Variants in MYT1L observed in about 807,000 individuals in gnomAD.
MYT1L encodes myelin transcription factor 1 like, also known as myelin transcription factor 1-like protein.
A neutral mutation model predicts 126.7 loss-of-function variants in MYT1L; 12 were observed. The observed-to-expected ratio is 0.09, with a 90% CI of 0.06 to 0.15. The LOEUF (loss-of-function observed/expected upper bound fraction) is 0.15, where lower values mean the gene tolerates loss of function less well. Among genes scored for constraint, MYT1L ranks in the 10% least tolerant of loss-of-function variants. The pLI, the probability that MYT1L is intolerant of heterozygous loss-of-function variation, is 1.00. For synonymous variants in MYT1L, 541 were observed against 604.2 expected (o/e 0.90, Z 1.53); for missense variants, 979 against 1,585.2 (o/e 0.62, Z 6.49).
chr2:2,186,493 C>A (rs556159508), intron 2 of MYT1L, among the ~76,000 whole-genome samples: 1 of 152,340 alleles, frequency 6.6e-6, no homozygotes, highest in East Asian at 1.9e-4. Flanking sequence ...CTCATGCACC[C>A]ATCCTGGAAT....
intron 11 of MYT1L, among the ~76,000 whole-genome samples, chr2:1,915,691 C>T (rs17338595): frequency 0.22 from 33,007 of 152,124 alleles, 4,376 homozygotes; most frequent in South Asian, 0.36. Context: ...AACACCAAAC[C>T]CAGGTTTCAG....
chr2:2,046,855 T>G (rs1201758576), intron 4 of MYT1L, among the ~76,000 whole-genome samples: 1 of 152,238 alleles, frequency 6.6e-6, no homozygotes, highest in African/African-American at 2.4e-5. Flanking sequence ...TTCAATACTT[T>G]GCTATCAGCC....
chr2:1,943,375 A>G lies in MYT1L; in HGVS notation c.153-41T>C. The G allele has an allele frequency of 6.7e-7, 1 of 1,488,862 alleles. No individual in the cohort carries two copies. The highest frequency in any genetic ancestry group is 2.4e-5 in the East Asian group (1 of 41,200). The allele number at this position is 1,488,862 out of a possible 1,614,324, so 92.2% of individuals were successfully genotyped here. ...GAGAAGGCAGGGGAGAGAGAGAAAAAAAATATCTGTGTTACTGTCTTTTAA... is the reference window on the plus strand; with the variant it reads ...GAGAAGGCAGGGGAGAGAGAGAAAAGAAATATCTGTGTTACTGTCTTTTAA... On this transcript the variant is annotated intron_variant, in intron 8 of 24. Coordinates refer to ENST00000647738, the MANE Select transcript of MYT1L (RefSeq NM_001303052.2). This position sits in a 1 kb window ranked among gnomAD's most constrained non-coding sequence, Gnocchi z 4.4.
At chr2:2,261,103 C>T (rs1488174195) in intron 2 of MYT1L, among the ~76,000 whole-genome samples, 2 of 151,904 alleles carry the variant, frequency 1.3e-5, no homozygotes, top group Admixed American at 6.6e-5. Context: ...CTCACCCTAC[C>T]GCCCTTCCTC....
chr2:2,088,179 G>A (rs566493446), intron 3 of MYT1L, among the ~76,000 whole-genome samples: 3 of 152,226 alleles, frequency 2.0e-5, no homozygotes, highest in Non-Finnish European at 2.9e-5. Flanking sequence ...GGGAAAGGCC[G>A]TGTGTGAAGG....
At chr2:2,043,985 GA>G (rs1239362963) in intron 4 of MYT1L, among the ~76,000 whole-genome samples, 1 of 151,138 alleles carries the variant, frequency 6.6e-6, no homozygotes, top group Non-Finnish European at 1.5e-5. Flanking sequence ...TTTGTTTTTT[GA>G]AAAAAAATGA....
chr2:1,838,737 T>G (rs1427811540), intron 21 of MYT1L, among the ~76,000 whole-genome samples: 1 of 152,218 alleles, frequency 6.6e-6, no homozygotes, highest in African/African-American at 2.4e-5. Flanking sequence ...TCATGCATCT[T>G]TGGTGCAGGC....
In MYT1L at chr2:1,917,151, G is replaced by C; in HGVS notation, c.1618+54C>G. The C allele has an allele frequency of 6.3e-7, 1 of 1,577,066 alleles. No individual in the cohort carries two copies. The highest frequency in any genetic ancestry group is 8.7e-7 in the Non-Finnish European group (1 of 1,154,076). ...GATGTCAGGTAAGAGGGATGACAGA[G>C]ACAGAGTCATGGGTGTTTGCACCCC... is the stretch of plus-strand genomic sequence containing the variant. On this transcript the variant is annotated intron_variant, in intron 11 of 24. Coordinates refer to ENST00000647738, the MANE Select transcript of MYT1L (RefSeq NM_001303052.2). The surrounding 1 kb of genome is among the most constrained non-coding windows in gnomAD (Gnocchi z 5.9).
intron 2 of MYT1L, among the ~76,000 whole-genome samples, chr2:2,199,911 G>C (rs2148816592): frequency 6.6e-6 from 1 of 152,288 alleles, no homozygotes; most frequent in South Asian, 2.1e-4. Flanking sequence ...ATAAAATGCA[G>C]CTCAGAGTGC....
At chr2:2,046,128 T>C (rs1223303017) in intron 4 of MYT1L, among the ~76,000 whole-genome samples, 2 of 152,178 alleles carry the variant, frequency 1.3e-5, no homozygotes, top group East Asian at 1.9e-4. Context: ...TCAAGAGATA[T>C]ACTATGAAAA....
rs1435158321 is a variant in MYT1L, at chr2:2,094,484, G to T, written c.-303-40361C>A. The stretch of plus-strand genomic sequence containing the variant: ...AGACACACGCACATGTATGTTTATT[G>T]CGGCACTATTTACAATAGCAAAGAC... On this transcript the variant is annotated intron_variant, in intron 3 of 24. Transcript: ENST00000647738. Among the ~76,000 whole-genome samples, 3 of 152,116 alleles carry T rather than the reference G, an allele frequency of 2.0e-5. No homozygotes were observed. In the East Asian group the frequency reaches 5.8e-4, roughly 29 times the overall value.
At chr2:2,242,694 G>T (rs2094461538) in intron 2 of MYT1L, among the ~76,000 whole-genome samples, 1 of 152,182 alleles carries the variant, frequency 6.6e-6, no homozygotes, top group Non-Finnish European at 1.5e-5. Context: ...CTGTCACCCA[G>T]GAGGAAAGCC....
At chr2:1,958,775 T>C (rs990308030) in intron 8 of MYT1L, among the ~76,000 whole-genome samples, 1 of 151,436 alleles carries the variant, frequency 6.6e-6, no homozygotes, top group Non-Finnish European at 1.5e-5. Flanking sequence ...CCCCTTCTTC[T>C]AGGATTCTCT....
chr2:1,930,676 T>C (rs142686229), intron 9 of MYT1L, among the ~76,000 whole-genome samples: 1 of 152,226 alleles, frequency 6.6e-6, no homozygotes, highest in Non-Finnish European at 1.5e-5. Context: ...CAGATACTGA[T>C]AAAATACTCA....
At chr2:2,126,615 C>T (rs939323585) in intron 3 of MYT1L, among the ~76,000 whole-genome samples, 1 of 152,160 alleles carries the variant, frequency 6.6e-6, no homozygotes, top group Admixed American at 6.6e-5. Context: ...TCAACTGAGA[C>T]AAGGAAGGAA....
intron 2 of MYT1L, among the ~76,000 whole-genome samples, chr2:2,219,379 T>G (rs2093787374): frequency 6.6e-6 from 1 of 152,202 alleles, no homozygotes; most frequent in African/African-American, 2.4e-5. Flanking sequence ...AAGTAGAGGT[T>G]CTTCTTCAAA....
intron 2 of MYT1L, among the ~76,000 whole-genome samples, chr2:2,273,208 A>T (rs2095297668): frequency 6.6e-6 from 1 of 152,188 alleles, no homozygotes; most frequent in African/African-American, 2.4e-5. Flanking sequence ...TTACTATCGC[A>T]GGACCTTTCG....
chr2:2,007,986 C>T (rs184426817), intron 4 of MYT1L, among the ~76,000 whole-genome samples: 3 of 152,260 alleles, frequency 2.0e-5, no homozygotes, highest in East Asian at 1.9e-4. Flanking sequence ...GCCATTATTC[C>T]GGAGGTCCTG....
intron 21 of MYT1L, among the ~76,000 whole-genome samples, chr2:1,838,229 A>T (rs757727309): frequency 5.9e-5 from 9 of 151,822 alleles, no homozygotes; most frequent in Admixed American, 2.6e-4. Flanking sequence ...TTCTCTTTAA[A>T]CCCATTTACA....
Sources: allele counts gnomAD v4.1 joint callset (sites outside exome capture counted in the v4.1 genomes callset), GRCh38; gene constraint gnomAD v4.1.1; non-coding constraint Gnocchi (gnomAD v3.1); transcripts MANE v1.5; gene names NCBI Gene and HGNC (gene_info 2026-07-23, HGNC 2026-07-21).